ATXN1L: variants seen among roughly 807,000 people sequenced by gnomAD.
The protein encoded by ATXN1L is ataxin 1 like.
In ATXN1L, 8 loss-of-function variants were observed where a neutral mutation model predicts 43.4. The observed-to-expected ratio is 0.18, with a 90% CI of 0.11 to 0.33. The LOEUF (loss-of-function observed/expected upper bound fraction) is 0.33, where lower values mean the gene tolerates loss of function less well. Among genes scored for constraint, ATXN1L ranks in the 10% least tolerant of loss-of-function variants. The pLI is 1.00. For synonymous variants in ATXN1L, 379 were observed against 360.6 expected (o/e 1.05, Z -0.58); for missense variants, 856 against 885.4 (o/e 0.97, Z 0.42).
chr16:71,847,497 CT>C (rs1396361873), intron 1 of ATXN1L, among the ~76,000 whole-genome samples: 1 of 151,858 alleles, frequency 6.6e-6, no homozygotes, highest in Non-Finnish European at 1.5e-5. Context: ...CCCCTGACCT[CT>C]TTTTCTGCCC....
rs184234293 is a variant in ATXN1L at position 71,853,912 on chromosome 16, A to G, written c.*2102A>G. The G allele has an allele frequency of 1.2e-5, 2 of 167,292 alleles. No individual in the cohort carries two copies. Among genetic ancestry groups the G allele is most frequent in the Admixed American group, 6.5e-5 (1 of 15,302 alleles). The allele number at this position is 167,292 out of a possible 1,614,324, so 10.4% of individuals were successfully genotyped here. On this transcript the variant is annotated 3_prime_UTR_variant, in exon 3 of 3. Coordinates refer to ENST00000427980, the MANE Select transcript of ATXN1L (RefSeq NM_001137675.4). ...AACTTTGTACTGCATTTGGGATCATATCTTTCCCCTTCTCTGTCCCCCATT... is the reference window on the plus strand; with the variant it reads ...AACTTTGTACTGCATTTGGGATCATGTCTTTCCCCTTCTCTGTCCCCCATT...
Position 71,850,697 on chromosome 16 carries a change from G to A in ATXN1L, c.957G>A (p.Arg319=), listed in dbSNP as rs1344779600. ...TGTTTTCAGGTTCTCAGACTCCACG[G>A]GTAGAGGTAGCAGCACCAGCACACC... The part of the protein sequence containing the change: ...GQLFSGSQTP[R]VEVAAPAHRG... Residue 319 remains arginine, a synonymous_variant, in exon 3 of 3, where the codon CGG becomes CGA. Coordinates refer to ENST00000427980, the MANE Select transcript of ATXN1L (RefSeq NM_001137675.4). 1.9e-6 allele frequency: 3 copies of A among 1,551,624 alleles called. No individual in the cohort carries two copies. In the Admixed American group the frequency reaches 5.9e-5, roughly 30 times the overall value.
rs530804385 is a variant in ATXN1L, at chr16:71,854,564, T to C, written c.*2754T>C. ...CCCTTGCCTTTAACCTCTAGTTTAGTCTTTTCCTCCAGGCATGAAAAATAT... is the reference window on the plus strand; with the variant it reads ...CCCTTGCCTTTAACCTCTAGTTTAGCCTTTTCCTCCAGGCATGAAAAATAT... On this transcript the variant is annotated 3_prime_UTR_variant, in exon 3 of 3. Coordinates refer to ENST00000427980, the MANE Select transcript of ATXN1L (RefSeq NM_001137675.4). The C allele has an allele frequency of 6.0e-6, 1 of 167,220 alleles. No individual in the cohort carries two copies. Among genetic ancestry groups the C allele is most frequent in the South Asian group, 2.1e-4 (1 of 4,830 alleles). 10.4% of individuals were successfully genotyped at this position (167,220 alleles called of 1,614,324 possible). A position where few individuals can be genotyped will look rare whatever the true frequency, so the allele number is the denominator to read the frequency against.
rs2033509484 is a variant in ATXN1L at position 71,852,016 on chromosome 16, G to A, written c.*206G>A. The A allele has an allele frequency of 2.1e-6, 1 of 479,066 alleles. No homozygotes were observed. 29.7% of individuals were successfully genotyped at this position (479,066 alleles called of 1,614,324 possible). A position where few individuals can be genotyped will look rare whatever the true frequency, so the allele number is the denominator to read the frequency against. ...TCCTTTCAGGACAACCCCAGAGGGT[G>A]TTGTGATGGGGAGCAGCAGGCCTGG... On this transcript the variant is annotated 3_prime_UTR_variant, in exon 3 of 3. Coordinates refer to ENST00000427980, the MANE Select transcript of ATXN1L (RefSeq NM_001137675.4).
In ATXN1L at chr16:71,857,279, A is replaced by G. The variant is rs1050376757; in HGVS notation, c.*5469A>G. On this transcript the variant is annotated 3_prime_UTR_variant, in exon 3 of 3. Transcript: ENST00000427980. ...TGTGGACTATGTAAACACAATATCT[A>G]TCAATATCTATATATCTATATATCT... is the stretch of plus-strand genomic sequence containing the variant. The G allele has an allele frequency of 6.2e-6, 1 of 160,868 alleles. No homozygotes were observed. The highest frequency in any genetic ancestry group is 2.4e-5 in the African/African-American group (1 of 41,448). 10.0% of individuals were successfully genotyped at this position (160,868 alleles called of 1,614,324 possible). A position where few individuals can be genotyped will look rare whatever the true frequency, so the allele number is the denominator to read the frequency against.
In ATXN1L at chr16:71,851,533, C is replaced by G; in HGVS notation, c.1793C>G (p.Pro598Arg). ...GTTTCTCAGGCCAGCTGTGCTCCCC[C>G]AAGCCAGCTGGGTCCCCCCCGAGAA... is the stretch of plus-strand genomic sequence containing the variant. ...NSVSQASCAPPSQLGPPRERP... is the reference protein window; with the variant it reads ...NSVSQASCAPRSQLGPPRERP... The change falls in exon 3 of 3, where the codon CCA becomes CGA. Residue 598 changes from proline (P) to arginine (R), a missense_variant. By Grantham distance (103) the Pro-to-Arg change is moderately radical. This residue lies in a region of ATXN1L where 185 missense variants were observed against 176.8 expected (regional missense o/e 1.05). Coordinates refer to ENST00000427980, the MANE Select transcript of ATXN1L (RefSeq NM_001137675.4). This position sits in a 1 kb window ranked among gnomAD's most constrained non-coding sequence, Gnocchi z 4.9. 6.4e-7 allele frequency: 1 copy of G among 1,551,602 alleles called. No individual in the cohort carries two copies.
At position 71,850,121 on chromosome 16, in the gene ATXN1L, C is replaced by T. The variant is rs549027952; in HGVS notation, c.381C>T (p.Leu127=). ...ATCCAGGCATCCACTATCCTCCACT[C>T]CACTATGCTCAGCTCCCATCCACCT... ...IQHPGIHYPP[L]HYAQLPSTSL... The change falls in exon 3 of 3, where the codon CTC becomes CTT. Residue 127 remains leucine, a synonymous_variant. Transcript: ENST00000427980. 1.3e-6 allele frequency: 2 copies of T among 1,551,750 alleles called. No individual in the cohort carries two copies. The highest frequency in any genetic ancestry group is 2.7e-5 in the African/African-American group (2 of 73,150).
At position 71,849,906 on chromosome 16, in the gene ATXN1L, C is replaced by G; in HGVS notation, c.166C>G (p.Gln56Glu). The change falls in exon 3 of 3, where the codon CAG becomes GAG. Residue 56 changes from glutamine (Q) to glutamate (E), a missense_variant. Transcript: ENST00000427980. ...AGGGGTTGTGGTGGCTGGGCAGAGC[C>G]AGGCAGGAGCCAGAGTCAGCCTGGG... is the stretch of plus-strand genomic sequence containing the variant. Reference protein sequence around the residue: ...SRGVVVAGQSQAGARVSLGGD... With the variant: ...SRGVVVAGQSEAGARVSLGGD... 1.3e-6 allele frequency: 2 copies of G among 1,551,192 alleles called. No individual in the cohort carries two copies. Among genetic ancestry groups the G allele is most frequent in the Non-Finnish European group, 1.7e-6 (2 of 1,146,644 alleles).
chr16:71,847,468 C>A (rs1172886511), intron 1 of ATXN1L, among the ~76,000 whole-genome samples: 2 of 151,766 alleles, frequency 1.3e-5, no homozygotes, highest in African/African-American at 4.8e-5. Context: ...CTTAATAAGT[C>A]TTCTCCTTGA....
rs1316402074 is a variant in ATXN1L at position 71,850,833 on chromosome 16, C to G, written c.1093C>G (p.Leu365Val). The G allele has an allele frequency of 1.3e-6, 2 of 1,551,708 alleles. No homozygotes were observed. The highest frequency in any genetic ancestry group is 1.7e-6 in the Non-Finnish European group (2 of 1,146,990). Residue 365 changes from leucine (L) to valine (V), a missense_variant, in exon 3 of 3, where the codon CTA becomes GTA. Leu to Val is a conservative substitution (Grantham distance 32, BLOSUM62 1). This residue lies in a region of ATXN1L where 490 missense variants were observed against 449.4 expected (regional missense o/e 1.09). Coordinates refer to ENST00000427980, the MANE Select transcript of ATXN1L (RefSeq NM_001137675.4). Reference protein sequence around the residue: ...QRKEEPSPLNLSHHTPDHQGE... With the variant: ...QRKEEPSPLNVSHHTPDHQGE... The stretch of plus-strand genomic sequence containing the variant: ...GAAGGAGGAACCCAGCCCCCTCAAC[C>G]TATCCCATCATACCCCCGACCATCA...
In ATXN1L at chr16:71,856,586, C is replaced by G. The variant is rs2291947; in HGVS notation, c.*4776C>G. The G allele has an allele frequency of 0.34, 56,460 of 166,968 alleles. 10,236 individuals carry two copies. Among genetic ancestry groups the G allele is most frequent in the East Asian group, 0.66 (3,431 of 5,180 alleles). 10.3% of individuals were successfully genotyped at this position (166,968 alleles called of 1,614,324 possible). On this transcript the variant is annotated 3_prime_UTR_variant, in exon 3 of 3. Coordinates refer to ENST00000427980, the MANE Select transcript of ATXN1L (RefSeq NM_001137675.4). ...TGATCCCTCACTTGACTGATACTTG[C>G]ATTCAAGAGAATCTAGATTGTGTTG...
chr16:71,850,324 C>T lies in ATXN1L; in HGVS notation c.584C>T (p.Ala195Val). The T allele has an allele frequency of 6.4e-7, 1 of 1,551,724 alleles. No individual in the cohort carries two copies. Among genetic ancestry groups the T allele is most frequent in the Admixed American group, 2.0e-5 (1 of 51,000 alleles). Residue 195 changes from alanine to valine, a missense_variant, in exon 3 of 3, where the codon GCC becomes GTC. Coordinates refer to ENST00000427980, the MANE Select transcript of ATXN1L (RefSeq NM_001137675.4). ...CCTCCCCCACAGGCTCCCTCCCCGG[C>T]CCACTCATTTAACAAAGCTCCCTCT... The part of the protein sequence containing the change: ...ATPPPQAPSP[A>V]HSFNKAPSAT...
Position 71,852,080 on chromosome 16 carries a change from T to G in ATXN1L, c.*270T>G. 3.2e-6 allele frequency: 1 copy of G among 310,128 alleles called. No individual in the cohort carries two copies. The highest frequency in any genetic ancestry group is 6.2e-6 in the Non-Finnish European group (1 of 161,466). 19.2% of individuals were successfully genotyped at this position (310,128 alleles called of 1,614,324 possible). ...GGGGGTGCACACAGGAGAAGAAACA[T>G]TCCAAAATCAGGGCCTCCCTGTTCT... On this transcript the variant is annotated 3_prime_UTR_variant, in exon 3 of 3. Transcript: ENST00000427980.
In ATXN1L at chr16:71,850,316, C is replaced by T. The variant is rs569465987; in HGVS notation, c.576C>T (p.Pro192=). The T allele has an allele frequency of 1.9e-6, 3 of 1,551,740 alleles. No individual in the cohort carries two copies. The highest frequency in any genetic ancestry group is 2.4e-5 in the South Asian group (2 of 84,066). The change falls in exon 3 of 3, where the codon CCC becomes CCT. Residue 192 remains proline (P), a synonymous_variant. Coordinates refer to ENST00000427980, the MANE Select transcript of ATXN1L (RefSeq NM_001137675.4). ...GAGCCACTCCTCCCCCACAGGCTCCCTCCCCGGCCCACTCATTTAACAAAG... is the reference window on the plus strand; with the variant it reads ...GAGCCACTCCTCCCCCACAGGCTCCTTCCCCGGCCCACTCATTTAACAAAG... ...AEGATPPPQA[P]SPAHSFNKAP...
At chr16:71,848,379 A>C (rs986420564) in intron 2 of ATXN1L, 16 of 209,734 alleles carry the variant, frequency 7.6e-5, no homozygotes, top group African/African-American at 3.8e-4. Context: ...AATTTCATGG[A>C]GTGGTGCCTG....
chr16:71,850,335 A>T lies in ATXN1L; in HGVS notation c.595A>T (p.Asn199Tyr). ...GGCTCCCTCCCCGGCCCACTCATTTAACAAAGCTCCCTCTGCCACCTCCCC... is the reference window on the plus strand; with the variant it reads ...GGCTCCCTCCCCGGCCCACTCATTTTACAAAGCTCCCTCTGCCACCTCCCC... The part of the protein sequence containing the change: ...PQAPSPAHSF[N>Y]KAPSATSPSG... Residue 199 changes from asparagine to tyrosine, a missense_variant, in exon 3 of 3, where the codon AAC becomes TAC. Asn to Tyr is a moderately radical substitution (Grantham distance 143). Transcript: ENST00000427980. The T allele has an allele frequency of 6.4e-7, 1 of 1,551,632 alleles. No individual in the cohort carries two copies. Among genetic ancestry groups the T allele is most frequent in the Non-Finnish European group, 8.7e-7 (1 of 1,146,972 alleles).
In ATXN1L at chr16:71,854,657, G is replaced by A. The variant is rs1597111690; in HGVS notation, c.*2847G>A. ...TGAGTTTGCAGGAGACATGAGAGCA[G>A]TTTTTAGCGAGTATTTTAGTGGGAA... On this transcript the variant is annotated 3_prime_UTR_variant, in exon 3 of 3. Coordinates refer to ENST00000427980, the MANE Select transcript of ATXN1L (RefSeq NM_001137675.4). 1 of 167,148 alleles carries A rather than the reference G, an allele frequency of 6.0e-6. No homozygotes were observed. Among genetic ancestry groups the A allele is most frequent in the Admixed American group, 6.5e-5 (1 of 15,294 alleles). 10.4% of individuals were successfully genotyped at this position (167,148 alleles called of 1,614,324 possible).
Position 71,851,310 on chromosome 16 carries a change from C to T in ATXN1L, c.1570C>T (p.Leu524=), listed in dbSNP as rs1382278292. ...QESQWPGFVM[L]HFVVGEQQSK... is the part of the protein sequence containing the mutation. Reference sequence around the variant, plus strand: ...GAGCCAATGGCCTGGATTTGTCATGCTGCATTTTGTGGTTGGTGAGCAGCA... The same window carrying T: ...GAGCCAATGGCCTGGATTTGTCATGTTGCATTTTGTGGTTGGTGAGCAGCA... Residue 524 remains leucine (L), a synonymous_variant, in exon 3 of 3, where the codon CTG becomes TTG. Transcript: ENST00000427980. This position sits in a 1 kb window ranked among gnomAD's most constrained non-coding sequence, Gnocchi z 4.9. The T allele has an allele frequency of 1.3e-6, 2 of 1,551,640 alleles. No individual in the cohort carries two copies. The highest frequency in any genetic ancestry group is 2.4e-5 in the East Asian group (1 of 40,916).
At position 71,851,266 on chromosome 16, in the gene ATXN1L, C is replaced by G; in HGVS notation, c.1526C>G (p.Thr509Arg). 2 of 1,551,638 alleles carry G rather than the reference C, an allele frequency of 1.3e-6. No homozygotes were observed. Among genetic ancestry groups the G allele is most frequent in the Non-Finnish European group, 1.7e-6 (2 of 1,146,984 alleles). ...VSGGLKIDSS[T>R]VVDIQESQWP... ...GGGGGGCTGAAGATTGACTCTAGCA[C>G]GGTCGTGGACATTCAGGAGAGCCAA... The change falls in exon 3 of 3, where the codon ACG becomes AGG. Residue 509 changes from threonine (T) to arginine (R), a missense_variant. Thr to Arg is a moderately conservative substitution (Grantham distance 71). Around this residue, in one of 7 missense-constraint regions of ATXN1L, gnomAD observed 54 missense variants for 56.6 expected, o/e 0.95. Transcript: ENST00000427980. This position sits in a 1 kb window ranked among gnomAD's most constrained non-coding sequence, Gnocchi z 4.9.
Sources: allele counts gnomAD v4.1 joint callset (sites outside exome capture counted in the v4.1 genomes callset), GRCh38; gene constraint gnomAD v4.1.1; regional missense constraint gnomAD v4.1.1; non-coding constraint Gnocchi (gnomAD v3.1); transcripts MANE v1.5; gene names NCBI Gene and HGNC (gene_info 2026-07-23, HGNC 2026-07-21).